Variants in PLPP4 observed in about 807,000 individuals in gnomAD.
PLPP4 encodes the protein diacylglycerol pyrophosphate like 2.
In PLPP4, 20 loss-of-function variants were observed where a neutral mutation model predicts 32.2. The ratio of observed to expected loss-of-function variants is 0.62; its 90% CI spans 0.44 to 0.90. The LOEUF is 0.90. Ranked by LOEUF, PLPP4 falls within the 40% of genes least tolerant of loss-of-function variation. The pLI is 0.00. For missense variants in PLPP4, 257 were observed against 353.1 expected, an observed-to-expected ratio of 0.73 and a Z score of 2.18; for synonymous variants, 127 against 133.0, an observed-to-expected ratio of 0.95 and a Z score of 0.31.
chr10:120,521,234 CT>C, intron 5 of PLPP4, 139 bp downstream of exon 5: 1 of 1,061,738 alleles, frequency 9.4e-7, no homozygotes, highest in Non-Finnish European at 1.3e-6. Flanking sequence ...CGGCGTTTGA[CT>C]TAGAAACAAG....
At chr10:120,520,064 G>T (rs1270276318) in intron 4 of PLPP4, among the ~76,000 whole-genome samples, 1 of 152,168 alleles carries the variant, frequency 6.6e-6, no homozygotes, top group Non-Finnish European at 1.5e-5. Flanking sequence ...TCTGCCTCAG[G>T]GTTCTCCTAA....
chr10:120,534,968 C>T (rs2133945672), intron 5 of PLPP4, among the ~76,000 whole-genome samples: 1 of 152,186 alleles, frequency 6.6e-6, no homozygotes, highest in South Asian at 2.1e-4. Flanking sequence ...GTTTCTGTTG[C>T]CTCCTTTTTC....
chr10:120,459,418 G>A (rs1268753089), intron 1 of PLPP4, among the ~76,000 whole-genome samples: 1 of 152,194 alleles, frequency 6.6e-6, no homozygotes, highest in East Asian at 1.9e-4. Context: ...GGCATGTACC[G>A]ACTTCTGGGA....
At chr10:120,497,233 G>T (rs1377239672) in intron 1 of PLPP4, among the ~76,000 whole-genome samples, 1 of 152,002 alleles carries the variant, frequency 6.6e-6, no homozygotes, top group African/African-American at 2.4e-5. Flanking sequence ...AGGGGTGTGT[G>T]GTTTTCTGTT....
At chr10:120,486,040 A>G (rs1289145525) in intron 1 of PLPP4, among the ~76,000 whole-genome samples, 1 of 152,200 alleles carries the variant, frequency 6.6e-6, no homozygotes, top group Non-Finnish European at 1.5e-5. Flanking sequence ...AAACCAGCCA[A>G]GCAGCCCTCT....
At chr10:120,545,063 GC>G (rs1423735584) in intron 5 of PLPP4, among the ~76,000 whole-genome samples, 1 of 152,190 alleles carries the variant, frequency 6.6e-6, no homozygotes, top group Non-Finnish European at 1.5e-5. Flanking sequence ...CAGAGTTCTG[GC>G]ACCATCTGTA....
chr10:120,474,048 A>C (rs1246070452), intron 1 of PLPP4, among the ~76,000 whole-genome samples: 1 of 152,034 alleles, frequency 6.6e-6, no homozygotes, highest in Admixed American at 6.6e-5. Flanking sequence ...CTTTTGCATA[A>C]TTATTTTTTT....
At chr10:120,469,418 AG>A (rs1848420073) in intron 1 of PLPP4, among the ~76,000 whole-genome samples, 1 of 151,978 alleles carries the variant, frequency 6.6e-6, no homozygotes, top group Non-Finnish European at 1.5e-5. Flanking sequence ...TAGTAGAGAC[AG>A]GGTTTCACCG....
At chr10:120,527,756 T>C (rs1332514799) in intron 5 of PLPP4, among the ~76,000 whole-genome samples, 4 of 152,332 alleles carry the variant, frequency 2.6e-5, no homozygotes, top group East Asian at 1.9e-4. Context: ...ATACAGACTA[T>C]AGGGTCTTTT....
rs185005927 is a variant in PLPP4, at chr10:120,556,470, C to T, written c.446-18661C>T. Among the ~76,000 whole-genome samples, 528 of 152,270 alleles carry T rather than the reference C, an allele frequency of 3.5e-3. 1 individual carries two copies. Among genetic ancestry groups the T allele is most frequent in the South Asian group, 0.012 (60 of 4,816 alleles). On this transcript the variant is annotated intron_variant, in intron 5 of 6. Coordinates refer to ENST00000398250, the MANE Select transcript of PLPP4 (RefSeq NM_001030059.3). The stretch of plus-strand genomic sequence containing the variant: ...GCAGGGAGTGTTCAGATTTCTTGGG[C>T]AGTAGGCCACATGGTGTGGACAAGA...
At chr10:120,571,795 T>C (rs894917369) in intron 5 of PLPP4, among the ~76,000 whole-genome samples, 3 of 151,994 alleles carry the variant, frequency 2.0e-5, no homozygotes, top group Admixed American at 6.6e-5. Context: ...AAAACAGGAG[T>C]GCAGAGAACC....
intron 5 of PLPP4, among the ~76,000 whole-genome samples, chr10:120,553,093 G>A (rs1237199585): frequency 2.0e-5 from 3 of 152,344 alleles, no homozygotes; most frequent in Non-Finnish European, 4.4e-5. Flanking sequence ...ATGTAGTAAT[G>A]AATTGAGCAC....
At chr10:120,566,345 C>T (rs1441869208) in intron 5 of PLPP4, among the ~76,000 whole-genome samples, 1 of 152,120 alleles carries the variant, frequency 6.6e-6, no homozygotes, top group African/African-American at 2.4e-5. Context: ...CCTGACAGCA[C>T]TAACTACCCC....
intron 5 of PLPP4, among the ~76,000 whole-genome samples, chr10:120,574,168 A>ACACACACT (rs1849090021): frequency 2.5e-4 from 12 of 47,112 alleles, no homozygotes; most frequent in South Asian, 9.5e-4. Context: ...ACACACACAC[A>ACACACACT]CTCTCTCTCT....
chr10:120,490,345 T>C (rs186225568), intron 1 of PLPP4, among the ~76,000 whole-genome samples: 2 of 152,348 alleles, frequency 1.3e-5, no homozygotes, highest in Non-Finnish European at 2.9e-5. Context: ...CATGAAAACA[T>C]TTATTGATAT....
intron 4 of PLPP4, among the ~76,000 whole-genome samples, chr10:120,520,071 C>G (rs946933385): frequency 6.6e-6 from 1 of 152,180 alleles, no homozygotes; most frequent in African/African-American, 2.4e-5. Context: ...CAGGGTTCTC[C>G]TAAGGATTAT....
intron 5 of PLPP4, among the ~76,000 whole-genome samples, chr10:120,562,516 A>G (rs1474451058): frequency 2.0e-5 from 3 of 152,160 alleles, no homozygotes; most frequent in Admixed American, 6.5e-5. Flanking sequence ...TACTGATCTT[A>G]AGGGAATGCT....
At chr10:120,563,776 C>CGCAGTCT (rs1564842516) in intron 5 of PLPP4, among the ~76,000 whole-genome samples, 1 of 100,866 alleles carries the variant, frequency 9.9e-6, no homozygotes. Context: ...GTCCGCAGTC[C>CGCAGTCT]GGCCTGGGCG....
At chr10:120,553,145 G>A (rs1005025499) in intron 5 of PLPP4, among the ~76,000 whole-genome samples, 3 of 152,196 alleles carry the variant, frequency 2.0e-5, no homozygotes, top group Non-Finnish European at 4.4e-5. Flanking sequence ...GCCAAATCCT[G>A]GTGGGAGCCT....
Sources: allele counts gnomAD v4.1 joint callset (sites outside exome capture counted in the v4.1 genomes callset), GRCh38; gene constraint gnomAD v4.1.1; transcripts MANE v1.5; gene names NCBI Gene and HGNC (gene_info 2026-07-23, HGNC 2026-07-21).